Variants in UBFD1 observed in about 807,000 individuals in gnomAD.
The protein encoded by UBFD1 is ubiquitin family domain containing 1, also known as ubiquitin domain-containing protein UBFD1.
A neutral mutation model predicts 35.1 loss-of-function variants in UBFD1; 12 were observed. The ratio of observed to expected loss-of-function variants is 0.34; its 90% CI spans 0.22 to 0.55. The LOEUF is 0.55. UBFD1 is among the 20% of genes least tolerant of loss of function. The pLI, the probability that UBFD1 is intolerant of heterozygous loss-of-function variation, is 0.89. For missense variants in UBFD1, 337 were observed against 410.8 expected, an observed-to-expected ratio of 0.82 and a Z score of 1.55; for synonymous variants, 178 against 167.6, an observed-to-expected ratio of 1.06 and a Z score of -0.48.
chr16:23,558,095 C>A lies in UBFD1; in HGVS notation c.171C>A (p.Ala57=), dbSNP rs1437395186. ...SGAARGSLQP[A]PAQPPGDPAA... is the part of the protein sequence containing the mutation. ...CCGCACGAGGCAGCCTGCAGCCGGCCCCGGCCCAGCCCCCTGGGGACCCCG... is the reference window on the plus strand; with the variant it reads ...CCGCACGAGGCAGCCTGCAGCCGGCACCGGCCCAGCCCCCTGGGGACCCCG... The change falls in exon 2 of 7, where the codon GCC becomes GCA. Residue 57 remains alanine, a synonymous_variant. Coordinates refer to ENST00000395878, the MANE Select transcript of UBFD1 (RefSeq NM_019116.3). 2 of 1,527,184 alleles carry A rather than the reference C, an allele frequency of 1.3e-6. No individual in the cohort carries two copies. The highest frequency in any genetic ancestry group is 1.4e-5 in the African/African-American group (1 of 69,402). 94.6% of individuals were successfully genotyped at this position (1,527,184 alleles called of 1,614,324 possible).
Position 23,558,125 on chromosome 16 carries a change from C to T in UBFD1, c.201C>T (p.Ala67=). Residue 67 remains alanine (A), a synonymous_variant, in exon 2 of 7, where the codon GCC becomes GCT. Transcript: ENST00000395878. ...APAQPPGDPA[A]QASVSNGEDA... ...CCCAGCCCCCTGGGGACCCCGCAGCCCAGGCCTCGGTCAGCAACGGCGAAG... is the reference window on the plus strand; with the variant it reads ...CCCAGCCCCCTGGGGACCCCGCAGCTCAGGCCTCGGTCAGCAACGGCGAAG... The T allele has an allele frequency of 6.2e-7, 1 of 1,600,198 alleles. No homozygotes were observed.
In UBFD1 at chr16:23,571,479, GC is replaced by G. The variant is rs1489165725; in HGVS notation, c.*890del. On this transcript the variant is annotated 3_prime_UTR_variant, in exon 7 of 7. Coordinates refer to ENST00000395878, the MANE Select transcript of UBFD1 (RefSeq NM_019116.3). Reference sequence around the variant, plus strand: ...CCCAGCCTGGCATGGTTGTGCCTGGGCTGTGCCGCTCAACAGCCCCAGCTCC... The same window carrying G: ...CCCAGCCTGGCATGGTTGTGCCTGGGTGTGCCGCTCAACAGCCCCAGCTCC... 6.6e-6 allele frequency: 1 copy of G among 152,304 alleles called. No homozygotes were observed. The highest frequency in any genetic ancestry group is 1.9e-4 in the East Asian group (1 of 5,198). The allele number at this position is 152,304 out of a possible 1,614,324, so 9.4% of individuals were successfully genotyped here. A position where few individuals can be genotyped will look rare whatever the true frequency, so the allele number is the denominator to read the frequency against.
In UBFD1 at chr16:23,574,228, TC is replaced by T. The variant is rs771376431; in HGVS notation, c.*3639del. The T allele has an allele frequency of 2.6e-5, 4 of 152,652 alleles. No homozygotes were observed. Among genetic ancestry groups the T allele is most frequent in the Non-Finnish European group, 5.9e-5 (4 of 68,040 alleles). The allele number at this position is 152,652 out of a possible 1,614,324, so 9.5% of individuals were successfully genotyped here. ...TGTTTCCTTGTGGTGTATGCTCTGT[TC>T]TGGTTTCTGTTTTCAAATCAAATGC... is the stretch of plus-strand genomic sequence containing the variant. On this transcript the variant is annotated 3_prime_UTR_variant, in exon 7 of 7. Coordinates refer to ENST00000395878, the MANE Select transcript of UBFD1 (RefSeq NM_019116.3).
chr16:23,561,676 C>G (rs1965935896), intron 3 of UBFD1: 1 of 152,206 alleles, frequency 6.6e-6, no homozygotes, highest in Non-Finnish European at 1.5e-5. Context: ...AGAACTGCTC[C>G]TCCTAGGCAG....
At chr16:23,560,863 A>G (rs1433377988) in intron 3 of UBFD1, among the ~76,000 whole-genome samples, 2 of 152,328 alleles carry the variant, frequency 1.3e-5, no homozygotes, top group East Asian at 1.9e-4. Context: ...CAGTGTCTTG[A>G]AACCGATTGA....
In UBFD1 at chr16:23,566,973, C is replaced by T. The variant is rs1966020045; in HGVS notation, c.737-14C>T. On this transcript the variant is annotated splice_polypyrimidine_tract_variant and intron_variant, in intron 5 of 6. Transcript: ENST00000395878. ...GGGCCCTTTGAATAATCACTGTAAT[C>T]CCTCTCAACTTAGAGCGGACTGAGA... 1.2e-6 allele frequency: 2 copies of T among 1,613,324 alleles called. No homozygotes were observed.
chr16:23,570,717 G>T lies in UBFD1; in HGVS notation c.*127G>T. On this transcript the variant is annotated 3_prime_UTR_variant, in exon 7 of 7. Coordinates refer to ENST00000395878, the MANE Select transcript of UBFD1 (RefSeq NM_019116.3). ...ATAAAAAATCTATATTCAATCTGAG[G>T]TGATGTGGTGACTGAAGCCAGAGGT... 1.4e-6 allele frequency: 1 copy of T among 695,528 alleles called. No individual in the cohort carries two copies. The highest frequency in any genetic ancestry group is 2.1e-5 in the South Asian group (1 of 47,408). 43.1% of individuals were successfully genotyped at this position (695,528 alleles called of 1,614,324 possible). A position where few individuals can be genotyped will look rare whatever the true frequency, so the allele number is the denominator to read the frequency against.
At chr16:23,558,656 A>G (rs1047892889) in intron 2 of UBFD1, among the ~76,000 whole-genome samples, 2 of 152,204 alleles carry the variant, frequency 1.3e-5, no homozygotes, top group African/African-American at 4.8e-5. Context: ...ATCTTAGGTA[A>G]TTCTTCTAAG....
At chr16:23,568,152 G>C (rs893572565) in intron 6 of UBFD1, among the ~76,000 whole-genome samples, 10 of 143,832 alleles carry the variant, frequency 7.0e-5, no homozygotes, top group Admixed American at 2.1e-4. Flanking sequence ...TACTCTCTCT[G>C]TAGTCTTTTT....
Position 23,558,063 on chromosome 16 carries a change from T to G in UBFD1, c.139T>G (p.Ser47Ala). The G allele has an allele frequency of 7.2e-7, 1 of 1,396,244 alleles. No individual in the cohort carries two copies. The highest frequency in any genetic ancestry group is 9.3e-7 in the Non-Finnish European group (1 of 1,079,098). The allele number at this position is 1,396,244 out of a possible 1,614,324, so 86.5% of individuals were successfully genotyped here. Residue 47 changes from serine (S) to alanine (A), a missense_variant, in exon 2 of 7, where the codon TCC becomes GCC. Transcript: ENST00000395878. Reference sequence around the variant, plus strand: ...CGCGGCGGGGGCGGCGGCCGAGGACTCCGGCGCCGCACGAGGCAGCCTGCA... The same window carrying G: ...CGCGGCGGGGGCGGCGGCCGAGGACGCCGGCGCCGCACGAGGCAGCCTGCA... The part of the protein sequence containing the change: ...EAAAGAAAED[S>A]GAARGSLQPA...
intron 2 of UBFD1, chr16:23,559,222 C>T (rs1044900732): frequency 7.9e-6 from 3 of 377,760 alleles, no homozygotes; most frequent in South Asian, 3.1e-5. Flanking sequence ...TGCTAGCCAC[C>T]GTACTAAATG....
Position 23,573,911 on chromosome 16 carries a change from C to CT in UBFD1, c.*3322dup, listed in dbSNP as rs1360970628. 3 of 152,416 alleles carry CT rather than the reference C, an allele frequency of 2.0e-5. No homozygotes were observed. Among genetic ancestry groups the CT allele is most frequent in the Non-Finnish European group, 4.4e-5 (3 of 68,162 alleles). 9.4% of individuals were successfully genotyped at this position (152,416 alleles called of 1,614,324 possible). On this transcript the variant is annotated 3_prime_UTR_variant, in exon 7 of 7. Transcript: ENST00000395878. Reference sequence around the variant, plus strand: ...TCCACCCATCTGCTGAGGGAGCCCTCTCCTCTCGCTCCTTGCCTCTGTTCA... The same window carrying CT: ...TCCACCCATCTGCTGAGGGAGCCCTCTTCCTCTCGCTCCTTGCCTCTGTTCA...
At chr16:23,560,002 G>C (rs1264311817) in intron 3 of UBFD1, 2 of 884,522 alleles carry the variant, frequency 2.3e-6, no homozygotes. Context: ...AGTACTAGAA[G>C]TAAGCCCTCA....
chr16:23,557,834 C>T, intron 1 of UBFD1, 67 bp downstream of exon 1: 3 of 1,273,780 alleles, frequency 2.4e-6, no homozygotes, highest in Non-Finnish European at 3.0e-6. Context: ...CTGGGGGATG[C>T]GGCCCGGCCC....
At chr16:23,566,010 C>G (rs1194080813) in intron 5 of UBFD1, 1 of 152,514 alleles carries the variant, frequency 6.6e-6, no homozygotes, top group East Asian at 1.9e-4. Context: ...CTTGCTGCCC[C>G]CTTCTCTTAC....
chr16:23,562,577 T>C (rs760268323), intron 4 of UBFD1, 48 bp from the exon 5 acceptor site: 1 of 1,587,294 alleles, frequency 6.3e-7, no homozygotes, highest in African/African-American at 1.3e-5. Context: ...CCCCTTCTCT[T>C]TTTTTCTGAC....
chr16:23,562,856 C>T, intron 5 of UBFD1, 126 bp downstream of exon 5: 2 of 832,892 alleles, frequency 2.4e-6, no homozygotes, highest in Admixed American at 2.5e-5. Context: ...TTGCTTGCTT[C>T]TGGCTTTTAA....
In UBFD1 at chr16:23,571,034, G is replaced by GT. The variant is rs992301927; in HGVS notation, c.*454dup. On this transcript the variant is annotated 3_prime_UTR_variant, in exon 7 of 7. Coordinates refer to ENST00000395878, the MANE Select transcript of UBFD1 (RefSeq NM_019116.3). ...GGACTGCATTGCAATGAGTTGGGGT[G>GT]TTTTTTTTTTCCTTTTTTGTATAAA... The GT allele has an allele frequency of 1.1e-3, 155 of 147,594 alleles. No homozygotes were observed. The highest frequency in any genetic ancestry group is 3.3e-3 in the African/African-American group (131 of 40,170). 9.1% of individuals were successfully genotyped at this position (147,594 alleles called of 1,614,324 possible).
At position 23,562,193 on chromosome 16, in the gene UBFD1, T is replaced by C. The variant is rs770421440; in HGVS notation, c.565-13T>C. 14 of 1,611,658 alleles carry C rather than the reference T, an allele frequency of 8.7e-6. No homozygotes were observed. The highest frequency in any genetic ancestry group is 1.7e-6 in the Non-Finnish European group (2 of 1,178,342). ...GTCAGCTGTTTCATTTCATTCTCTC[T>C]TCTGACTTATAGCAACACAGGAAAG... On this transcript the variant is annotated splice_polypyrimidine_tract_variant and intron_variant, in intron 3 of 6. Coordinates refer to ENST00000395878, the MANE Select transcript of UBFD1 (RefSeq NM_019116.3).
Sources: gnomAD v4.1 joint callset for allele counts (sites outside exome capture counted in the v4.1 genomes callset) on GRCh38, gnomAD v4.1.1 for gene constraint, MANE v1.5 for transcripts, NCBI Gene and HGNC (gene_info 2026-07-23, HGNC 2026-07-21) for gene names.